The following RNF4 variants were observed in gnomAD, a reference collection of about 807,000 sequenced individuals.
The protein encoded by RNF4 is E3 ubiquitin-protein ligase RNF4.
A neutral mutation model predicts 24.3 loss-of-function variants in RNF4; 7 were observed. The ratio of observed to expected loss-of-function variants is 0.29; its 90% CI spans 0.16 to 0.54. The LOEUF (loss-of-function observed/expected upper bound fraction) is 0.54. RNF4 is among the 20% of genes least tolerant of loss of function. RNF4 has a pLI of 0.95. For missense variants in RNF4, 209 were observed against 248.5 expected, an observed-to-expected ratio of 0.84 and a Z score of 1.07; for synonymous variants, 83 against 84.3, an observed-to-expected ratio of 0.98 and a Z score of 0.09.
intron 3 of RNF4, among the ~76,000 whole-genome samples, chr4:2,500,293 C>T (rs1380815760): frequency 1.3e-5 from 2 of 152,100 alleles, no homozygotes; most frequent in Admixed American, 6.6e-5. Context: ...TCAGGCTAGT[C>T]CATCCCAAAG....
At position 2,497,752 on chromosome 4, in the gene RNF4, A is replaced by T. The variant is rs1023409488; in HGVS notation, c.124+631A>T. Among the ~76,000 whole-genome samples, 6 of 152,096 alleles carry T rather than the reference A, an allele frequency of 3.9e-5. No homozygotes were observed. In the East Asian group the frequency reaches 5.8e-4, roughly 15 times the overall value. On this transcript the variant is annotated intron_variant, in intron 3 of 7. Transcript: ENST00000314289. ...TGGGTTCACGCCATTCTCCTGCCTC[A>T]GCCTCCCAAGTAGCTGGGACTATAG...
chr4:2,513,202 G>A (rs897695051), intron 7 of RNF4, 71 bp downstream of exon 7: 1 of 1,438,750 alleles, frequency 7.0e-7, no homozygotes, highest in Non-Finnish European at 9.8e-7. Flanking sequence ...GATGAGACAG[G>A]ATCTTCCCCC....
intron 4 of RNF4, among the ~76,000 whole-genome samples, chr4:2,504,726 A>ATTTTTTTTTTTT (rs1182588172): frequency 3.3e-5 from 2 of 61,116 alleles, no homozygotes; most frequent in African/African-American, 6.1e-5. Context: ...CATTTTTTGT[A>ATTTTTTTTTTTT]TTTTTTTTTT....
intron 1 of RNF4, among the ~76,000 whole-genome samples, chr4:2,473,827 G>A (rs954219038): frequency 2.6e-5 from 4 of 151,700 alleles, no homozygotes; most frequent in African/African-American, 9.7e-5. Flanking sequence ...AAAAAGTAGA[G>A]CCTGAAGGCT....
intron 1 of RNF4, among the ~76,000 whole-genome samples, chr4:2,481,443 G>A (rs962478527): frequency 2.0e-5 from 3 of 152,128 alleles, no homozygotes; most frequent in Admixed American, 1.3e-4. Context: ...AAGTGAGGAC[G>A]AGTTGGGAGG....
chr4:2,511,696 G>A (rs1019122379), intron 4 of RNF4, among the ~76,000 whole-genome samples: 6 of 152,114 alleles, frequency 3.9e-5, no homozygotes, highest in Non-Finnish European at 5.9e-5. Context: ...CTGTGTTCAC[G>A]CTCCAGGAGA....
chr4:2,473,458 C>T (rs1426839629), intron 1 of RNF4, among the ~76,000 whole-genome samples: 1 of 152,054 alleles, frequency 6.6e-6, no homozygotes, highest in Non-Finnish European at 1.5e-5. Context: ...TTGAGGGGTT[C>T]TAGACTTCAA....
intron 3 of RNF4, among the ~76,000 whole-genome samples, chr4:2,500,403 A>T (rs1430092401): frequency 6.6e-6 from 1 of 152,150 alleles, no homozygotes; most frequent in Non-Finnish European, 1.5e-5. Context: ...AGGTATGCAC[A>T]TGCGCACACA....
chr4:2,508,341 T>G (rs1272254273), intron 4 of RNF4, among the ~76,000 whole-genome samples: 1 of 152,238 alleles, frequency 6.6e-6, no homozygotes, highest in Non-Finnish European at 1.5e-5. Flanking sequence ...TAGGCATTTA[T>G]GAAGCGCTGG....
rs769861592 is a variant in RNF4 at position 2,513,818 on chromosome 4, G to A, written c.572G>A (p.Ter191=). ...AAACGGTACCACCCCATTTATATAT[G>A]AAGTATTCAGAGCCCCCCAGGAGAG... The part of the protein sequence containing the change: ...NHKRYHPIYI[*] Residue 191 remains the stop codon, a stop_retained_variant, in exon 8 of 8, where the codon TGA becomes TAA. Transcript: ENST00000314289. 6.2e-7 allele frequency: 1 copy of A among 1,613,930 alleles called. No individual in the cohort carries two copies. Among genetic ancestry groups the A allele is most frequent in the Admixed American group, 1.7e-5 (1 of 60,022 alleles).
At chr4:2,491,231 T>G (rs932664646) in intron 2 of RNF4, among the ~76,000 whole-genome samples, 1 of 152,218 alleles carries the variant, frequency 6.6e-6, no homozygotes, top group Non-Finnish European at 1.5e-5. Context: ...AATTACTGTT[T>G]AGCGCTTTTG....
At chr4:2,477,143 T>C (rs1735102755) in intron 1 of RNF4, among the ~76,000 whole-genome samples, 1 of 152,224 alleles carries the variant, frequency 6.6e-6, no homozygotes, top group Non-Finnish European at 1.5e-5. Flanking sequence ...TAAATGGGAA[T>C]ACAGGTGCTG....
intron 4 of RNF4, among the ~76,000 whole-genome samples, chr4:2,508,065 C>T (rs1485675499): frequency 6.6e-6 from 1 of 152,016 alleles, no homozygotes; most frequent in Non-Finnish European, 1.5e-5. Flanking sequence ...AGGATGGTCT[C>T]GACCTCCTGA....
chr4:2,478,872 C>T (rs1735163670), intron 1 of RNF4, among the ~76,000 whole-genome samples: 1 of 152,228 alleles, frequency 6.6e-6, no homozygotes, highest in Non-Finnish European at 1.5e-5. Context: ...GGCCACTGTC[C>T]TCCACACCCC....
intron 4 of RNF4, among the ~76,000 whole-genome samples, chr4:2,504,143 G>T (rs961264995): frequency 6.6e-6 from 1 of 152,176 alleles, no homozygotes; most frequent in Non-Finnish European, 1.5e-5. Flanking sequence ...AAAAATGAAG[G>T]GAAATGAAAA....
rs114127428 is a variant in RNF4 at position 2,473,403 on chromosome 4, C to T, written c.-158+4145C>T. Among the ~76,000 whole-genome samples the T allele has an allele frequency of 6.0e-3, 919 of 152,090 alleles. 6 individuals carry two copies. The highest frequency in any genetic ancestry group is 0.021 in the African/African-American group (863 of 41,452). ...TCTTAAAAAAAAAAATCAATTAACA[C>T]AACAAGAACTTGGAAAAAGTTGATT... On this transcript the variant is annotated intron_variant, in intron 1 of 7. Transcript: ENST00000314289.
At chr4:2,477,631 A>G (rs1735121337) in intron 1 of RNF4, among the ~76,000 whole-genome samples, 1 of 152,124 alleles carries the variant, frequency 6.6e-6, no homozygotes, top group Admixed American at 6.6e-5. Flanking sequence ...GTTTCCCTAC[A>G]CAAGCTCTCT....
chr4:2,484,018 G>T (rs1338007443), intron 1 of RNF4, among the ~76,000 whole-genome samples: 1 of 114,076 alleles, frequency 8.8e-6, no homozygotes, highest in African/African-American at 3.4e-5. Flanking sequence ...GTAGGGGGTG[G>T]GTTTCACCAT....
chr4:2,469,654 T>A (rs550156730), intron 1 of RNF4: 1 of 152,334 alleles, frequency 6.6e-6, no homozygotes, highest in African/African-American at 2.4e-5. Flanking sequence ...ACGCCTCCTT[T>A]GTGTGTTCGC....
Sources: allele counts gnomAD v4.1 joint callset (sites outside exome capture counted in the v4.1 genomes callset), GRCh38; gene constraint gnomAD v4.1.1; transcripts MANE v1.5; gene names NCBI Gene and HGNC (gene_info 2026-07-23, HGNC 2026-07-21).